Variants in BCL9 observed in about 807,000 individuals in gnomAD.
BCL9 encodes BCL9 transcription coactivator, also known as B-cell CLL/lymphoma 9 protein.
A neutral mutation model predicts 88.5 loss-of-function variants in BCL9; 25 were observed. That is an observed-to-expected ratio of 0.28 (90% CI 0.21 to 0.39). The LOEUF (loss-of-function observed/expected upper bound fraction) is 0.39. BCL9 is among the 10% of genes least tolerant of loss of function. The pLI, the probability that BCL9 is intolerant of heterozygous loss-of-function variation, is 1.00. For missense variants in BCL9, 1,817 were observed against 1,877.8 expected (o/e 0.97, Z 0.60); for synonymous variants, 711 against 673.3 (o/e 1.06, Z -0.87).
intron 3 of BCL9, among the ~76,000 whole-genome samples, chr1:147,609,804 C>T (rs2101604986): frequency 6.6e-6 from 1 of 152,326 alleles, no homozygotes; most frequent in South Asian, 2.1e-4. Flanking sequence ...GATCTAACTA[C>T]ATGCTTAGTA....
intron 1 of BCL9, among the ~76,000 whole-genome samples, chr1:147,592,546 G>A (rs1005787593): frequency 2.0e-5 from 3 of 152,180 alleles, no homozygotes; most frequent in African/African-American, 7.2e-5. Flanking sequence ...CACCCCCAAG[G>A]GCTGGGGGAA....
intron 3 of BCL9, among the ~76,000 whole-genome samples, chr1:147,607,910 G>C (rs1467411058): frequency 6.6e-6 from 1 of 152,210 alleles, no homozygotes; most frequent in Non-Finnish European, 1.5e-5. Context: ...AAATTTGGGA[G>C]TTGTTGGCAT....
At chr1:147,616,035 C>T in intron 7 of BCL9, 133 bp downstream of exon 7, 5 of 846,498 alleles carry the variant, frequency 5.9e-6, no homozygotes, top group Middle Eastern at 3.0e-4. Flanking sequence ...TAACCTAATT[C>T]TGGCATTGTG....
rs1553205095 is a variant in BCL9, at chr1:147,620,555, C to G, written c.2400C>G (p.Leu800=). 1.2e-6 allele frequency: 2 copies of G among 1,613,704 alleles called. No homozygotes were observed. Among genetic ancestry groups the G allele is most frequent in the Admixed American group, 3.3e-5 (2 of 59,956 alleles). Residue 800 remains leucine, a synonymous_variant, in exon 8 of 10, where the codon CTC becomes CTG. Coordinates refer to ENST00000234739, the MANE Select transcript of BCL9 (RefSeq NM_004326.4). ...GPGSNSGLRN[L]REPIGPDQRT... is the part of the protein sequence containing the mutation. ...GCAGCAACAGTGGCTTGCGGAATCT[C>G]AGAGAACCAATTGGGCCCGACCAGA...
chr1:147,562,457 A>C (rs1655423198), intron 1 of BCL9, among the ~76,000 whole-genome samples: 1 of 152,222 alleles, frequency 6.6e-6, no homozygotes, highest in South Asian at 2.1e-4. Flanking sequence ...TGACATATGC[A>C]CACCTTTATT....
rs587597242 is a variant in BCL9, at chr1:147,583,526, C to T, written c.-477-21251C>T. Among the ~76,000 whole-genome samples, 5 of 151,992 alleles carry T rather than the reference C, an allele frequency of 3.3e-5. No individual in the cohort carries two copies. The East Asian group carries it at 9.7e-4, about 30-fold the overall frequency. On this transcript the variant is annotated intron_variant, in intron 1 of 9. Transcript: ENST00000234739. Reference sequence around the variant, plus strand: ...CTCCTGGCCTCAGGTGATCTGTCTACCTTGGCCTCCCAAAGTGCTGGAATT... The same window carrying T: ...CTCCTGGCCTCAGGTGATCTGTCTATCTTGGCCTCCCAAAGTGCTGGAATT...
At chr1:147,568,774 C>T (rs1655730257) in intron 1 of BCL9, among the ~76,000 whole-genome samples, 1 of 152,092 alleles carries the variant, frequency 6.6e-6, no homozygotes, top group African/African-American at 2.4e-5. Context: ...GGGCATTGGG[C>T]GTTCCAAAAG....
chr1:147,543,430 TCA>T (rs1395837476), intron 1 of BCL9, among the ~76,000 whole-genome samples: 1 of 152,222 alleles, frequency 6.6e-6, no homozygotes, highest in African/African-American at 2.4e-5. Context: ...TATGTGCTTT[TCA>T]CAGAGGCCTG....
At chr1:147,600,251 GGCCCCGCGGGGCTGAGAGCC>G (rs1178717061) in intron 1 of BCL9, 2 of 159,902 alleles carry the variant, frequency 1.3e-5, no homozygotes, top group African/African-American at 4.8e-5. Context: ...CGCTGGCCCC[GGCCCCGCGGGGCTGAGAGCC>G]GCCCCGGACC....
At chr1:147,552,285 G>T (rs1323573060) in intron 1 of BCL9, among the ~76,000 whole-genome samples, 1 of 152,140 alleles carries the variant, frequency 6.6e-6, no homozygotes, top group African/African-American at 2.4e-5. Context: ...TTTATAAAGG[G>T]TGATATAAAG....
chr1:147,587,013 T>G (rs1656634637), intron 1 of BCL9, among the ~76,000 whole-genome samples: 1 of 24,374 alleles, frequency 4.1e-5, no homozygotes. Context: ...TGTGGTTCGT[T>G]TTCTCTCTCT....
chr1:147,568,669 T>A (rs1381659803), intron 1 of BCL9, among the ~76,000 whole-genome samples: 1 of 151,986 alleles, frequency 6.6e-6, no homozygotes, highest in Non-Finnish European at 1.5e-5. Flanking sequence ...CTTATCTGCT[T>A]CCCTCCCTCC....
rs1658905276 is a variant in BCL9, at chr1:147,625,627, T to C, written c.*668T>C. ...TTTTTCTTTTGAAAAATAATGACTC[T>C]TAGGACATTTGTTTTTCAGTTCAAG... On this transcript the variant is annotated 3_prime_UTR_variant, in exon 10 of 10. Transcript: ENST00000234739. 1 of 226,106 alleles carries C rather than the reference T, an allele frequency of 4.4e-6. No individual in the cohort carries two copies. 14.0% of individuals were successfully genotyped at this position (226,106 alleles called of 1,614,324 possible).
At chr1:147,549,014 T>C (rs587595851) in intron 1 of BCL9, among the ~76,000 whole-genome samples, 2 of 145,088 alleles carry the variant, frequency 1.4e-5, no homozygotes, top group East Asian at 4.0e-4. Context: ...TTTTGCTCTG[T>C]TGCCTAGGCT....
intron 1 of BCL9, among the ~76,000 whole-genome samples, chr1:147,560,405 C>T (rs782198174): frequency 4.0e-5 from 6 of 151,512 alleles, no homozygotes; most frequent in African/African-American, 1.5e-4. Context: ...GCCTGGCCAA[C>T]ATGGTGAAAC....
chr1:147,573,415 T>C (rs1655971048), intron 1 of BCL9, among the ~76,000 whole-genome samples: 1 of 152,108 alleles, frequency 6.6e-6, no homozygotes. Context: ...ATCATGCCAC[T>C]GCACTGCAGA....
chr1:147,602,258 G>A (rs1553201423), intron 1 of BCL9, among the ~76,000 whole-genome samples: 1 of 148,350 alleles, frequency 6.7e-6, no homozygotes, highest in East Asian at 2.0e-4. Context: ...CCAGGCTGGA[G>A]TGCAGTGGCA....
intron 1 of BCL9, among the ~76,000 whole-genome samples, chr1:147,568,152 T>C (rs587696613): frequency 2.3e-4 from 35 of 152,360 alleles, no homozygotes; most frequent in Non-Finnish European, 2.4e-4. Flanking sequence ...TACCCTGTTA[T>C]TCTCAAGAAA....
intron 4 of BCL9, among the ~76,000 whole-genome samples, chr1:147,612,439 G>C (rs1419054121): frequency 2.0e-5 from 3 of 152,148 alleles, no homozygotes; most frequent in Non-Finnish European, 4.4e-5. Flanking sequence ...ACCAGCTCCC[G>C]TGCTCTTTGG....
Sources: gnomAD v4.1 joint callset for allele counts (sites outside exome capture counted in the v4.1 genomes callset) on GRCh38, gnomAD v4.1.1 for gene constraint, MANE v1.5 for transcripts, NCBI Gene and HGNC (gene_info 2026-07-23, HGNC 2026-07-21) for gene names.